Variants in MTUS2 observed in about 807,000 individuals in gnomAD.
MTUS2 encodes microtubule-associated tumor suppressor candidate 2.
MTUS2 carries 40 observed loss-of-function variants against 114.1 expected under a neutral mutation model. The observed-to-expected ratio is 0.35, with a 90% CI of 0.27 to 0.46. The LOEUF (loss-of-function observed/expected upper bound fraction) is 0.46, where lower values mean the gene tolerates loss of function less well. MTUS2 is among the 20% of genes least tolerant of loss of function. The probability of loss-of-function intolerance (pLI) is 1.00; values close to 1 mark genes in which losing one functional copy is unlikely to be tolerated. For missense variants in MTUS2, 1,679 were observed against 1,705.4 expected, an observed-to-expected ratio of 0.98 and a Z score of 0.27; for synonymous variants, 688 against 672.0, an observed-to-expected ratio of 1.02 and a Z score of -0.37.
intron 2 of MTUS2, among the ~76,000 whole-genome samples, chr13:28,870,983 C>T (rs990774609): frequency 2.0e-5 from 3 of 152,146 alleles, no homozygotes; most frequent in African/African-American, 7.2e-5. Context: ...CAAATATCTA[C>T]TGAGCACTGG....
At chr13:29,006,538 A>C (rs777191685) in intron 2 of MTUS2, among the ~76,000 whole-genome samples, 5 of 152,194 alleles carry the variant, frequency 3.3e-5, no homozygotes, top group Non-Finnish European at 5.9e-5. Flanking sequence ...GTGAGTTACC[A>C]CATAGCCACA....
intron 2 of MTUS2, among the ~76,000 whole-genome samples, chr13:28,887,023 A>G (rs990001406): frequency 6.6e-6 from 1 of 152,228 alleles, no homozygotes; most frequent in Non-Finnish European, 1.5e-5. Flanking sequence ...AAGGTACACA[A>G]TAAATTGTGT....
At chr13:29,414,468 T>TAAA (rs67181675) in intron 8 of MTUS2, among the ~76,000 whole-genome samples, 2 of 126,802 alleles carry the variant, frequency 1.6e-5, no homozygotes, top group Non-Finnish European at 3.3e-5. Context: ...AAAAAAAAAT[T>TAAA]AAAAAAAAAA....
intron 5 of MTUS2, among the ~76,000 whole-genome samples, chr13:29,272,461 T>A (rs1358679225): frequency 1.3e-5 from 2 of 152,242 alleles, no homozygotes; most frequent in Admixed American, 1.3e-4. Flanking sequence ...GAACCTCATT[T>A]TGGTCTGGTT....
chr13:29,274,853 C>T (rs1391363077), intron 5 of MTUS2, among the ~76,000 whole-genome samples: 1 of 152,108 alleles, frequency 6.6e-6, no homozygotes, highest in Non-Finnish European at 1.5e-5. Context: ...CTCCAGCCTC[C>T]CAAGTAGCTG....
intron 9 of MTUS2, among the ~76,000 whole-genome samples, chr13:29,479,510 T>C (rs573955406): frequency 1.3e-5 from 2 of 152,264 alleles, no homozygotes; most frequent in African/African-American, 4.8e-5. Flanking sequence ...GAATCTGTGA[T>C]TAGGGGTGGA....
At chr13:29,236,478 A>G (rs1896539088) in intron 5 of MTUS2, among the ~76,000 whole-genome samples, 1 of 152,216 alleles carries the variant, frequency 6.6e-6, no homozygotes, top group Admixed American at 6.5e-5. Flanking sequence ...AACTGTGTGG[A>G]ACACTAATTT....
intron 5 of MTUS2, among the ~76,000 whole-genome samples, chr13:29,209,270 A>G (rs1398609326): frequency 6.6e-6 from 1 of 152,126 alleles, no homozygotes; most frequent in African/African-American, 2.4e-5. Flanking sequence ...GTCCATTTGC[A>G]TGGAATATCT....
At chr13:29,194,458 A>G (rs1356172993) in intron 5 of MTUS2, among the ~76,000 whole-genome samples, 1 of 152,144 alleles carries the variant, frequency 6.6e-6, no homozygotes, top group Non-Finnish European at 1.5e-5. Context: ...ACTTCTCAAA[A>G]GAAGACATTT....
chr13:29,474,460 AAT>A (rs1427217182), intron 9 of MTUS2, among the ~76,000 whole-genome samples: 1 of 152,208 alleles, frequency 6.6e-6, no homozygotes, highest in Non-Finnish European at 1.5e-5. Context: ...GATTTAATGA[AAT>A]ATATATCATG....
chr13:29,178,067 T>G (rs1893848679), intron 5 of MTUS2, among the ~76,000 whole-genome samples: 1 of 152,210 alleles, frequency 6.6e-6, no homozygotes, highest in Non-Finnish European at 1.5e-5. Context: ...GGTGGTTGGC[T>G]GCAGTCCTTC....
intron 4 of MTUS2, among the ~76,000 whole-genome samples, chr13:29,042,609 G>T (rs1243377540): frequency 6.6e-6 from 1 of 151,936 alleles, no homozygotes. Flanking sequence ...ACTTTTTCTT[G>T]TTGGCAATTT....
chr13:29,370,746 T>C (rs1256016890), intron 8 of MTUS2, among the ~76,000 whole-genome samples: 6 of 152,144 alleles, frequency 3.9e-5, no homozygotes, highest in Admixed American at 3.9e-4. Flanking sequence ...AATCAGAAAA[T>C]GGACTAAGAT....
chr13:29,106,885 TC>T (rs1890692192), intron 5 of MTUS2, among the ~76,000 whole-genome samples: 1 of 152,050 alleles, frequency 6.6e-6, no homozygotes, highest in Admixed American at 6.6e-5. Flanking sequence ...TCCCAGGTCT[TC>T]CATGACCTGG....
intron 5 of MTUS2, among the ~76,000 whole-genome samples, chr13:29,269,080 G>A (rs563509394): frequency 6.1e-4 from 93 of 152,188 alleles, no homozygotes; most frequent in Non-Finnish European, 1.1e-3. Context: ...GCAGAACAGT[G>A]TCTCAGGAAC....
chr13:29,448,391 A>G (rs1412517265), intron 9 of MTUS2, among the ~76,000 whole-genome samples: 1 of 152,202 alleles, frequency 6.6e-6, no homozygotes, highest in Non-Finnish European at 1.5e-5. Flanking sequence ...TTGGCTCTTA[A>G]CTTTGAAGTT....
intron 9 of MTUS2, among the ~76,000 whole-genome samples, chr13:29,460,353 T>G (rs543097650): frequency 9.9e-5 from 15 of 152,202 alleles, no homozygotes; most frequent in Non-Finnish European, 1.8e-4. Context: ...ATATTAGGAC[T>G]GGATTTGTTG....
In MTUS2 at chr13:29,504,769, AC is replaced by A. The variant is rs541226499; in HGVS notation, c.*1570del. ...AAAGACCCTGCACTTTCTCCCTGAG[AC>A]CCCCCCAAAATTGTCCTGAGCACAG... is the stretch of plus-strand genomic sequence containing the variant. On this transcript the variant is annotated 3_prime_UTR_variant, in exon 16 of 16. Coordinates refer to ENST00000612955, the MANE Select transcript of MTUS2 (RefSeq NM_001033602.4). 5 of 232,264 alleles carry A rather than the reference AC, an allele frequency of 2.2e-5. No individual in the cohort carries two copies. Among genetic ancestry groups the A allele is most frequent in the East Asian group, 1.2e-4 (2 of 16,548 alleles). The allele number at this position is 232,264 out of a possible 1,614,324, so 14.4% of individuals were successfully genotyped here. A position where few individuals can be genotyped will look rare whatever the true frequency, so the allele number is the denominator to read the frequency against.
chr13:28,950,620 C>T (rs190250293), intron 2 of MTUS2, among the ~76,000 whole-genome samples: 41 of 152,076 alleles, frequency 2.7e-4, no homozygotes, highest in African/African-American at 8.4e-4. Context: ...AAGCCCAAAG[C>T]GAGAGAGAAA....
Sources: gnomAD v4.1 joint callset for allele counts (sites outside exome capture counted in the v4.1 genomes callset) on GRCh38, gnomAD v4.1.1 for gene constraint, MANE v1.5 for transcripts, NCBI Gene and HGNC (gene_info 2026-07-23, HGNC 2026-07-21) for gene names.